The following TMEM182 variants were observed in gnomAD, a reference collection of about 807,000 sequenced individuals.
The protein encoded by TMEM182 is transmembrane protein 182.
In TMEM182, 20 loss-of-function variants were observed where a neutral mutation model predicts 26.8. The observed-to-expected ratio is 0.75, with a 90% CI of 0.53 to 1.09. TMEM182 has a LOEUF of 1.09. TMEM182 is among the 50% of genes least tolerant of loss of function. The probability of loss-of-function intolerance (pLI) is 0.00; values close to 1 mark genes in which losing one functional copy is unlikely to be tolerated. For missense variants in TMEM182, 277 were observed against 275.5 expected (o/e 1.01, Z -0.04); for synonymous variants, 109 against 102.2 (o/e 1.07, Z -0.40).
chr2:102,812,756 G>T (rs190387799), intron 4 of TMEM182, among the ~76,000 whole-genome samples: 1 of 152,288 alleles, frequency 6.6e-6, no homozygotes, highest in East Asian at 1.9e-4. Context: ...GAAAGCACAA[G>T]AGAGTCACAT....
chr2:102,824,107 T>C (rs896041962), intron 3 of TMEM182, among the ~76,000 whole-genome samples: 1 of 152,194 alleles, frequency 6.6e-6, no homozygotes, highest in Non-Finnish European at 1.5e-5. Flanking sequence ...TTTTTATTAA[T>C]AAAAGCAGGG....
chr2:102,780,947 C>G (rs897710782), intron 3 of TMEM182, among the ~76,000 whole-genome samples: 2 of 152,158 alleles, frequency 1.3e-5, no homozygotes, highest in Non-Finnish European at 2.9e-5. Flanking sequence ...GGCTTGCTGG[C>G]TTTTCCATCA....
rs535294522 is a variant in TMEM182, at chr2:102,815,024, T to G, written c.*56T>G. 1 of 1,590,822 alleles carries G rather than the reference T, an allele frequency of 6.3e-7. No homozygotes were observed. The highest frequency in any genetic ancestry group is 8.6e-7 in the Non-Finnish European group (1 of 1,168,248). On this transcript the variant is annotated 3_prime_UTR_variant, in exon 5 of 5. Coordinates refer to ENST00000412401, the MANE Select transcript of TMEM182 (RefSeq NM_144632.5). ...AGATTTTAAAACAAGGAATACTTTT[T>G]TTCCATTTTGTTTCATTGATCCCAG...
At chr2:102,837,801 TTC>T (rs1683274521) in intron 3 of TMEM182, among the ~76,000 whole-genome samples, 1 of 152,148 alleles carries the variant, frequency 6.6e-6, no homozygotes, top group African/African-American at 2.4e-5. Context: ...GCTGGTTTTG[TTC>T]TCTCTCTGCT....
intron 3 of TMEM182, among the ~76,000 whole-genome samples, chr2:102,840,105 C>A (rs368684740): frequency 6.6e-6 from 1 of 152,320 alleles, no homozygotes; most frequent in Admixed American, 6.5e-5. Flanking sequence ...ACTTTTACAT[C>A]TGCCACTAGA....
chr2:102,809,914 T>C (rs1171826727), intron 4 of TMEM182, among the ~76,000 whole-genome samples: 2 of 152,212 alleles, frequency 1.3e-5, no homozygotes, highest in African/African-American at 4.8e-5. Flanking sequence ...GCTTTTCTTA[T>C]GCCCATGGAA....
chr2:102,823,992 A>G (rs1682979523), intron 3 of TMEM182, among the ~76,000 whole-genome samples: 1 of 152,246 alleles, frequency 6.6e-6, no homozygotes, highest in Non-Finnish European at 1.5e-5. Flanking sequence ...GCTTTAAGAT[A>G]AAAGGAAAGT....
intron 1 of TMEM182, among the ~76,000 whole-genome samples, chr2:102,748,157 G>A (rs780358158): frequency 1.3e-5 from 2 of 152,202 alleles, no homozygotes; most frequent in African/African-American, 4.8e-5. Flanking sequence ...GTAACTTTCC[G>A]TGTAGGCACA....
intron 4 of TMEM182, among the ~76,000 whole-genome samples, chr2:102,814,440 A>G (rs1438864716): frequency 6.6e-6 from 1 of 152,208 alleles, no homozygotes; most frequent in Non-Finnish European, 1.5e-5. Context: ...TATAAATTCT[A>G]CAAGTGCTGA....
At chr2:102,750,088 G>GA (rs946327449) in intron 1 of TMEM182, among the ~76,000 whole-genome samples, 45 of 150,906 alleles carry the variant, frequency 3.0e-4, no homozygotes, top group South Asian at 8.4e-4. Context: ...CCTCAATAAT[G>GA]AAAAAAAAGC....
chr2:102,740,214 T>C (rs527276480), intron 1 of TMEM182, among the ~76,000 whole-genome samples: 2 of 152,328 alleles, frequency 1.3e-5, no homozygotes, highest in African/African-American at 4.8e-5. Flanking sequence ...TGAACTGATA[T>C]GTTTTGGCTT....
intron 3 of TMEM182, among the ~76,000 whole-genome samples, chr2:102,835,475 A>G (rs1683226631): frequency 6.6e-6 from 1 of 152,016 alleles, no homozygotes; most frequent in African/African-American, 2.4e-5. Flanking sequence ...TAACCACCCA[A>G]GGTCCATAGT....
At chr2:102,808,230 T>C (rs751587774) in intron 4 of TMEM182, among the ~76,000 whole-genome samples, 9 of 152,146 alleles carry the variant, frequency 5.9e-5, no homozygotes, top group Non-Finnish European at 1.2e-4. Flanking sequence ...CCAGAAATAA[T>C]GCTATAAGGA....
chr2:102,777,698 T>G (rs1328364962), intron 3 of TMEM182, among the ~76,000 whole-genome samples: 1 of 151,978 alleles, frequency 6.6e-6, no homozygotes, highest in African/African-American at 2.4e-5. Flanking sequence ...GATAATCATG[T>G]CATTTGCAAA....
At chr2:102,806,659 T>TTAATAA (rs537084535) in intron 4 of TMEM182, among the ~76,000 whole-genome samples, 1 of 151,848 alleles carries the variant, frequency 6.6e-6, no homozygotes, top group South Asian at 2.1e-4. Context: ...GTGCCAAAGC[T>TTAATAA]TAATAATAAT....
chr2:102,815,944 C>T lies in TMEM182; in HGVS notation c.*976C>T. The T allele has an allele frequency of 1.0e-6, 1 of 983,082 alleles. No individual in the cohort carries two copies. The highest frequency in any genetic ancestry group is 1.2e-6 in the Non-Finnish European group (1 of 827,896). 60.9% of individuals were successfully genotyped at this position (983,082 alleles called of 1,614,324 possible). A position where few individuals can be genotyped will look rare whatever the true frequency, so the allele number is the denominator to read the frequency against. ...AAGACCATAAAATATTAACTTTCCC[C>T]AAGATGTTATGGGTTCCAGTTCTTC... On this transcript the variant is annotated 3_prime_UTR_variant, in exon 5 of 5. Coordinates refer to ENST00000412401, the MANE Select transcript of TMEM182 (RefSeq NM_144632.5).
intron 1 of TMEM182, among the ~76,000 whole-genome samples, chr2:102,741,497 G>T (rs1679544445): frequency 6.6e-6 from 1 of 152,030 alleles, no homozygotes; most frequent in African/African-American, 2.4e-5. Context: ...TGTAACAAAG[G>T]TGAACCATGT....
intron 4 of TMEM182, among the ~76,000 whole-genome samples, chr2:102,800,791 G>A (rs1393450005): frequency 7.2e-6 from 1 of 138,950 alleles, no homozygotes; most frequent in Non-Finnish European, 1.5e-5. Flanking sequence ...TCTGGTTTTG[G>A]ACAGTTTGTG....
intron 4 of TMEM182, 85 bp downstream of exon 4, chr2:102,798,085 C>T: frequency 6.7e-7 from 1 of 1,492,484 alleles, no homozygotes. Flanking sequence ...CAGGCGTCAG[C>T]CTTCTAGTAA....
Sources: gnomAD v4.1 joint callset for allele counts (sites outside exome capture counted in the v4.1 genomes callset) on GRCh38, gnomAD v4.1.1 for gene constraint, MANE v1.5 for transcripts, NCBI Gene and HGNC (gene_info 2026-07-23, HGNC 2026-07-21) for gene names.